Variants in FBN2 observed in about 807,000 individuals in gnomAD.
FBN2 encodes fibrillin-2.
Under a neutral mutation model 355.6 loss-of-function variants are expected in FBN2, and 105 were observed. The observed-to-expected ratio is 0.30, with a 90% CI of 0.25 to 0.35. The LOEUF is 0.35. Among genes scored for constraint, FBN2 ranks in the 10% least tolerant of loss-of-function variants. The probability of loss-of-function intolerance (pLI) is 1.00; values close to 1 mark genes in which losing one functional copy is unlikely to be tolerated. For missense variants in FBN2, 3,280 were observed against 3,758.7 expected (o/e 0.87, Z 3.33); for synonymous variants, 1,350 against 1,301.2 (o/e 1.04, Z -0.81).
At chr5:128,305,439 G>C in intron 44 of FBN2, 72 bp downstream of exon 44, 1 of 1,543,144 alleles carries the variant, frequency 6.5e-7, no homozygotes, top group East Asian at 2.2e-5. Context: ...AATTATTCTT[G>C]AAGTATTTTT....
chr5:128,313,923 T>A (rs1750131647), intron 36 of FBN2, among the ~76,000 whole-genome samples: 1 of 147,224 alleles, frequency 6.8e-6, no homozygotes, highest in Non-Finnish European at 1.5e-5. Context: ...CATTACTATC[T>A]TTTTTTTTTA....
intron 5 of FBN2, among the ~76,000 whole-genome samples, chr5:128,518,907 G>C (rs1756356895): frequency 6.6e-6 from 1 of 152,176 alleles, no homozygotes; most frequent in South Asian, 2.1e-4. Context: ...GTCAGATTTT[G>C]TGGGGTTTGC....
intron 6 of FBN2, among the ~76,000 whole-genome samples, chr5:128,463,847 T>C (rs1754624820): frequency 1.3e-5 from 2 of 152,164 alleles, no homozygotes. Flanking sequence ...AAAATAACCC[T>C]AACTCTCAAA....
chr5:128,309,544 C>A, intron 40 of FBN2, 145 bp from the exon 41 acceptor site: 1 of 666,542 alleles, frequency 1.5e-6, no homozygotes. Context: ...TAAAATAACT[C>A]CTTAAACATA....
In FBN2 at chr5:128,344,424, T is replaced by C. The variant is rs761012607; in HGVS notation, c.3304A>G (p.Ser1102Gly). ...TCCTCCATGTCTAGAGCAAAGCCAC[T>C]ATTGCAACGGCATTTGAAGCTTCCG... ...TIGSFKCRCN[S>G]GFALDMEERN... is the part of the protein sequence containing the mutation. Residue 1102 changes from serine to glycine, a missense_variant, in exon 25 of 65, where the codon AGT becomes GGT. By Grantham distance (56) the Ser-to-Gly change is moderately conservative. This residue lies in a region of FBN2 where 2,284 missense variants were observed against 2,749.5 expected (regional missense o/e 0.83). Coordinates refer to ENST00000262464, the MANE Select transcript of FBN2 (RefSeq NM_001999.4). 52 of 1,613,822 alleles carry C rather than the reference T, an allele frequency of 3.2e-5. No homozygotes were observed. Among genetic ancestry groups the C allele is most frequent in the Non-Finnish European group, 4.3e-5 (51 of 1,179,806 alleles).
chr5:128,488,899 A>G (rs1054834639), intron 5 of FBN2, among the ~76,000 whole-genome samples: 13 of 151,848 alleles, frequency 8.6e-5, no homozygotes, highest in Non-Finnish European at 1.9e-4. Context: ...CCAATCTATC[A>G]TTGTTGGACA....
chr5:128,309,167 C>T, intron 41 of FBN2, 80 bp downstream of exon 41: 1 of 1,462,916 alleles, frequency 6.8e-7, no homozygotes, highest in Non-Finnish European at 9.6e-7. Context: ...TTTTAGCATG[C>T]AGTGACTTTG....
At chr5:128,428,634 A>G (rs1240353787) in intron 7 of FBN2, among the ~76,000 whole-genome samples, 1 of 152,338 alleles carries the variant, frequency 6.6e-6, no homozygotes, top group East Asian at 1.9e-4. Flanking sequence ...TTAGCATTTT[A>G]TAGGCTCTCA....
At chr5:128,393,421 C>T (rs1220456530) in intron 9 of FBN2, 53 bp from the exon 10 acceptor site, 15 of 1,482,866 alleles carry the variant, frequency 1.0e-5, no homozygotes, top group Admixed American at 1.7e-5. Context: ...TTCTGCATAA[C>T]AAAAGCCATT....
chr5:128,438,208 T>A (rs1052270417), intron 7 of FBN2, among the ~76,000 whole-genome samples: 1 of 152,198 alleles, frequency 6.6e-6, no homozygotes, highest in African/African-American at 2.4e-5. Context: ...GCCAGGCTGG[T>A]CTCAAACTTC....
intron 5 of FBN2, among the ~76,000 whole-genome samples, chr5:128,492,273 G>A (rs1755527240): frequency 6.6e-6 from 1 of 152,156 alleles, no homozygotes; most frequent in African/African-American, 2.4e-5. Context: ...CTCATTAAAA[G>A]AGGGTAAACA....
intron 34 of FBN2, chr5:128,328,449 A>G (rs1177697631): frequency 1.6e-6 from 1 of 610,242 alleles, no homozygotes; most frequent in African/African-American, 1.9e-5. Flanking sequence ...AGAAATGGTT[A>G]AAAAAGAAAA....
intron 7 of FBN2, among the ~76,000 whole-genome samples, chr5:128,432,715 A>G (rs1561454316): frequency 6.6e-6 from 1 of 151,968 alleles, no homozygotes; most frequent in Non-Finnish European, 1.5e-5. Context: ...CATAAGTGAT[A>G]AAAAAAAGTT....
chr5:128,376,527 T>G (rs906870810), intron 14 of FBN2, among the ~76,000 whole-genome samples: 3 of 152,244 alleles, frequency 2.0e-5, no homozygotes, highest in African/African-American at 7.2e-5. Context: ...TATACCATTA[T>G]TATTTTTGTT....
At chr5:128,493,467 A>T (rs894291387) in intron 5 of FBN2, among the ~76,000 whole-genome samples, 1 of 152,194 alleles carries the variant, frequency 6.6e-6, no homozygotes, top group South Asian at 2.1e-4. Flanking sequence ...CACTTGACAT[A>T]TATCATGCCA....
intron 5 of FBN2, among the ~76,000 whole-genome samples, chr5:128,499,220 A>T (rs1047324618): frequency 1.3e-5 from 2 of 152,198 alleles, no homozygotes; most frequent in African/African-American, 4.8e-5. Context: ...TTTCAAAATA[A>T]TCTAGTAGTA....
chr5:128,469,517 C>A (rs866951384), intron 5 of FBN2, among the ~76,000 whole-genome samples: 85 of 98,664 alleles, frequency 8.6e-4, no homozygotes, highest in African/African-American at 3.4e-3. Flanking sequence ...GGCAAGACAG[C>A]AAGACTCCGT....
chr5:128,366,303 T>C, intron 17 of FBN2, 74 bp downstream of exon 17: 2 of 726,510 alleles, frequency 2.8e-6, no homozygotes, highest in Non-Finnish European at 2.4e-6. Context: ...AATATACTCA[T>C]ATTAATATTA....
At chr5:128,444,621 C>T (rs1312612746) in intron 7 of FBN2, among the ~76,000 whole-genome samples, 1 of 152,182 alleles carries the variant, frequency 6.6e-6, no homozygotes, top group African/African-American at 2.4e-5. Context: ...AAGAAAGGCA[C>T]GACTGGATTC....
Sources: gnomAD v4.1 joint callset for allele counts (sites outside exome capture counted in the v4.1 genomes callset) on GRCh38, gnomAD v4.1.1 for gene constraint, gnomAD v4.1.1 regional missense constraint, MANE v1.5 for transcripts, NCBI Gene and HGNC (gene_info 2026-07-23, HGNC 2026-07-21) for gene names.